QRICH1: variants seen among roughly 807,000 people sequenced by gnomAD.
QRICH1 encodes glutamine rich 1.
QRICH1 carries 16 observed loss-of-function variants against 87.1 expected under a neutral mutation model. The ratio of observed to expected loss-of-function variants is 0.18; its 90% CI spans 0.12 to 0.28. The LOEUF (loss-of-function observed/expected upper bound fraction) is 0.28. QRICH1 is among the 10% of genes least tolerant of loss of function. QRICH1 has a pLI of 1.00. For synonymous variants in QRICH1, 367 were observed against 368.4 expected (o/e 1.00, Z 0.05); for missense variants, 647 against 951.7 (o/e 0.68, Z 4.21).
intron 3 of QRICH1, 123 bp downstream of exon 3, chr3:49,056,739 C>G: frequency 6.8e-7 from 1 of 1,475,334 alleles, no homozygotes; most frequent in Non-Finnish European, 9.3e-7. Flanking sequence ...CTCCCAAATA[C>G]TAAATACTGC....
intron 2 of QRICH1, among the ~76,000 whole-genome samples, chr3:49,058,613 G>GA (rs2106910261): frequency 6.6e-6 from 1 of 150,578 alleles, no homozygotes; most frequent in South Asian, 2.1e-4. Context: ...GGTGTGAGCC[G>GA]AAACGGCCGG....
At chr3:49,047,632 C>T (rs986459223) in intron 3 of QRICH1, among the ~76,000 whole-genome samples, 2 of 151,872 alleles carry the variant, frequency 1.3e-5, no homozygotes, top group African/African-American at 2.4e-5. Flanking sequence ...TACAGGCATG[C>T]ACCAACACGG....
At chr3:49,087,421 T>C (rs1333699059) in intron 1 of QRICH1, among the ~76,000 whole-genome samples, 3 of 151,070 alleles carry the variant, frequency 2.0e-5, no homozygotes, top group African/African-American at 7.3e-5. Context: ...GTGTGGTGCC[T>C]GTAGTCCCAG....
chr3:49,079,156 G>A (rs909966037), intron 1 of QRICH1, among the ~76,000 whole-genome samples: 1 of 151,974 alleles, frequency 6.6e-6, no homozygotes, highest in African/African-American at 2.4e-5. Context: ...GATTGCTTGA[G>A]CCCAGAGATC....
At chr3:49,087,818 CAAAAA>C (rs58022360) in intron 1 of QRICH1, among the ~76,000 whole-genome samples, 7 of 47,684 alleles carry the variant, frequency 1.5e-4, no homozygotes, top group African/African-American at 5.2e-4. Flanking sequence ...AGGTTCATCT[CAAAAA>C]AAAAAAAAAA....
At chr3:49,061,968 A>C (rs1006238686) in intron 2 of QRICH1, among the ~76,000 whole-genome samples, 2 of 152,210 alleles carry the variant, frequency 1.3e-5, no homozygotes, top group African/African-American at 4.8e-5. Context: ...ATATCTAATA[A>C]GTTATATCTA....
At chr3:49,087,680 C>A (rs1324665380) in intron 1 of QRICH1, among the ~76,000 whole-genome samples, 1 of 151,072 alleles carries the variant, frequency 6.6e-6, no homozygotes, top group African/African-American at 2.4e-5. Context: ...TCAAGACCAG[C>A]CTGGCCAACA....
chr3:49,070,538 C>T (rs1247448714), intron 2 of QRICH1, among the ~76,000 whole-genome samples: 2 of 152,022 alleles, frequency 1.3e-5, no homozygotes, highest in African/African-American at 4.8e-5. Context: ...CTCCTGGGCC[C>T]AAGGAGTTCC....
intron 6 of QRICH1, among the ~76,000 whole-genome samples, chr3:49,042,262 T>C (rs765439649): frequency 2.3e-4 from 35 of 150,794 alleles, no homozygotes; most frequent in Non-Finnish European, 3.7e-4. Flanking sequence ...CACAACCGGC[T>C]AATTTTTTTG....
At position 49,053,893 on chromosome 3, in the gene QRICH1, T is replaced by C. The variant is rs370254622; in HGVS notation, c.1338+2969A>G. 1.2e-4 allele frequency among the ~76,000 whole-genome samples: 18 copies of C among 152,324 alleles called. No individual in the cohort carries two copies. In the East Asian group the frequency reaches 2.5e-3, roughly 21 times the overall value. On this transcript the variant is annotated intron_variant, in intron 3 of 9. Transcript: ENST00000395443. Reference sequence around the variant, plus strand: ...CAACTTGACTGTCTTCTGCATGTGCTGTAAAGTGGTCCAAGGGTAGAAAAG... The same window carrying C: ...CAACTTGACTGTCTTCTGCATGTGCCGTAAAGTGGTCCAAGGGTAGAAAAG...
chr3:49,066,093 T>C (rs2106938789), intron 2 of QRICH1, among the ~76,000 whole-genome samples: 1 of 152,180 alleles, frequency 6.6e-6, no homozygotes, highest in Non-Finnish European at 1.5e-5. Flanking sequence ...GAGACCAGCC[T>C]GGGCAATGTG....
Position 49,047,487 on chromosome 3 carries a change from T to G in QRICH1, c.1339-241A>C, listed in dbSNP as rs972265926. Among the ~76,000 whole-genome samples the G allele has an allele frequency of 1.1e-4, 16 of 149,966 alleles. No homozygotes were observed. The East Asian group carries it at 2.3e-3, about 22-fold the overall frequency. ...TGGCTGCACTTTTAAATGTTTTTTT[T>G]TTTTTTTTTTTTTGAGACGGAGTTT... On this transcript the variant is annotated intron_variant, in intron 3 of 9. Coordinates refer to ENST00000395443, the MANE Select transcript of QRICH1 (RefSeq NM_198880.3).
intron 1 of QRICH1, among the ~76,000 whole-genome samples, chr3:49,090,305 A>G (rs1309326521): frequency 1.3e-5 from 2 of 152,164 alleles, no homozygotes; most frequent in Admixed American, 1.3e-4. Context: ...TAAAACTACA[A>G]AAAATTAGCC....
chr3:49,067,390 AC>A (rs1172927941), intron 2 of QRICH1, among the ~76,000 whole-genome samples: 3 of 151,020 alleles, frequency 2.0e-5, no homozygotes, highest in Non-Finnish European at 4.4e-5. Flanking sequence ...ACATGGTGAA[AC>A]CCCGTCTCTA....
rs755513034 is a variant in QRICH1 at position 49,033,262 on chromosome 3, A to G, written c.1787-34T>C. Reference sequence around the variant, plus strand: ...AATAGAGTACTGTCACAACAAGAGGATGGCAGGTGGTCTCTCAAAGGTACA... The same window carrying G: ...AATAGAGTACTGTCACAACAAGAGGGTGGCAGGTGGTCTCTCAAAGGTACA... On this transcript the variant is annotated intron_variant, in intron 6 of 9. Coordinates refer to ENST00000395443, the MANE Select transcript of QRICH1 (RefSeq NM_198880.3). 4.4e-6 allele frequency: 6 copies of G among 1,374,866 alleles called. No homozygotes were observed. The East Asian group carries it at 1.6e-4, about 36-fold the overall frequency. The allele number at this position is 1,374,866 out of a possible 1,614,324, so 85.2% of individuals were successfully genotyped here.
At chr3:49,032,872 A>G (rs985059060) in intron 7 of QRICH1, 99 bp from the exon 8 acceptor site, 3 of 1,405,966 alleles carry the variant, frequency 2.1e-6, no homozygotes, top group African/African-American at 2.9e-5. Flanking sequence ...CACTGCCCAC[A>G]TTCCCAAGAT....
intron 6 of QRICH1, among the ~76,000 whole-genome samples, chr3:49,042,658 C>T (rs1189982181): frequency 3.3e-5 from 5 of 151,844 alleles, no homozygotes; most frequent in Admixed American, 6.6e-5. Context: ...CCACAACCTC[C>T]GACTCCCTGG....
intron 2 of QRICH1, among the ~76,000 whole-genome samples, chr3:49,064,339 C>T (rs1221164482): frequency 1.4e-5 from 2 of 147,782 alleles, no homozygotes; most frequent in African/African-American, 5.0e-5. Flanking sequence ...TTCCCGGGTT[C>T]AAGCGATTCT....
chr3:49,053,055 G>C (rs987659950), intron 3 of QRICH1, among the ~76,000 whole-genome samples: 2 of 152,096 alleles, frequency 1.3e-5, no homozygotes, highest in African/African-American at 4.8e-5. Flanking sequence ...AGGGAGAAGA[G>C]GGCCAAATAC....
Sources: allele counts gnomAD v4.1 joint callset (sites outside exome capture counted in the v4.1 genomes callset), GRCh38; gene constraint gnomAD v4.1.1; transcripts MANE v1.5; gene names NCBI Gene and HGNC (gene_info 2026-07-23, HGNC 2026-07-21).